Variants in NBEA observed in about 807,000 individuals in gnomAD.
NBEA encodes lysosomal-trafficking regulator 2.
Under a neutral mutation model 343.4 loss-of-function variants are expected in NBEA, and 44 were observed. The ratio of observed to expected loss-of-function variants is 0.13; its 90% CI spans 0.10 to 0.16. NBEA has a LOEUF of 0.16. Ranked by LOEUF, NBEA falls within the 10% of genes least tolerant of loss-of-function variation. NBEA has a pLI of 1.00. For synonymous variants in NBEA, 1,175 were observed against 1,238.7 expected, an observed-to-expected ratio of 0.95 and a Z score of 1.08; for missense variants, 2,555 against 3,631.3, an observed-to-expected ratio of 0.70 and a Z score of 7.62.
intron 36 of NBEA, among the ~76,000 whole-genome samples, chr13:35,342,456 T>G (rs2039640807): frequency 6.6e-6 from 1 of 151,990 alleles, no homozygotes; most frequent in Non-Finnish European, 1.5e-5. Context: ...GAACAGCAAC[T>G]AAGAAACTTA....
At position 35,343,932 on chromosome 13, in the gene NBEA, C is replaced by T. The variant is rs925813838; in HGVS notation, c.5904-5176C>T. On this transcript the variant is annotated intron_variant, in intron 36 of 58. Coordinates refer to ENST00000379939, the MANE Select transcript of NBEA (RefSeq NM_001385012.1). ...CACAATAAATGTACTTGAATCATCT[C>T]GAAACCATCCCCTTCCACCCACACT... Among the ~76,000 whole-genome samples the T allele has an allele frequency of 3.9e-4, 60 of 152,116 alleles. 1 individual carries two copies. Among genetic ancestry groups the T allele is most frequent in the African/African-American group, 1.3e-3 (56 of 41,524 alleles).
chr13:35,116,778 T>C (rs1566310270), intron 13 of NBEA, among the ~76,000 whole-genome samples: 1 of 151,990 alleles, frequency 6.6e-6, no homozygotes, highest in Non-Finnish European at 1.5e-5. Flanking sequence ...GAATATATTA[T>C]ATTTTCATTT....
intron 46 of NBEA, among the ~76,000 whole-genome samples, chr13:35,590,742 T>G (rs2081499351): frequency 6.6e-6 from 1 of 152,006 alleles, no homozygotes. Context: ...CTACCTACAG[T>G]GAAAATTAAA....
intron 1 of NBEA, among the ~76,000 whole-genome samples, chr13:34,975,352 A>G (rs772103984): frequency 2.0e-4 from 31 of 152,206 alleles, no homozygotes; most frequent in Non-Finnish European, 4.0e-4. Context: ...CAAAAGCATA[A>G]AGTGGCAAAA....
At chr13:35,360,545 G>A (rs1351789399) in intron 38 of NBEA, among the ~76,000 whole-genome samples, 1 of 151,968 alleles carries the variant, frequency 6.6e-6, no homozygotes, top group Non-Finnish European at 1.5e-5. Flanking sequence ...ATCCCAAGAT[G>A]ACTAAAATGT....
intron 16 of NBEA, 115 bp downstream of exon 16, chr13:35,118,589 G>C (rs185168358): frequency 6.6e-6 from 5 of 752,672 alleles, no homozygotes; most frequent in Admixed American, 2.9e-5. Flanking sequence ...TTGCACATAA[G>C]AGAATAAATG....
At chr13:35,023,015 T>A (rs114992802) in intron 1 of NBEA, among the ~76,000 whole-genome samples, 1,662 of 152,212 alleles carry the variant, frequency 0.011, 28 homozygotes, top group African/African-American at 0.039. Context: ...TGAAAAATAA[T>A]TTGAATTGGC....
In NBEA at chr13:35,208,710, G is replaced by A; in HGVS notation, c.5377G>A (p.Val1793Met). 6.3e-7 allele frequency: 1 copy of A among 1,590,294 alleles called. No individual in the cohort carries two copies. Among genetic ancestry groups the A allele is most frequent in the Non-Finnish European group, 8.6e-7 (1 of 1,166,682 alleles). Reference sequence around the variant, plus strand: ...TTCATTTCTTTGCAGGAGTGTTGTGGTGCCTGTAAAGAAACCACCTCCAGG... The same window carrying A: ...TTCATTTCTTTGCAGGAGTGTTGTGATGCCTGTAAAGAAACCACCTCCAGG... Reference protein sequence around the residue: ...QFHSFDRSVVVPVKKPPPGSL... With the variant: ...QFHSFDRSVVMPVKKPPPGSL... Residue 1793 changes from valine to methionine, a missense_variant, in exon 32 of 59, where the codon GTG (valine) becomes ATG (methionine). By Grantham distance (21) the Val-to-Met change is conservative. This residue lies in a region of NBEA where 270 missense variants were observed against 293.3 expected (regional missense o/e 0.92). Coordinates refer to ENST00000379939, the MANE Select transcript of NBEA (RefSeq NM_001385012.1).
At chr13:35,010,994 T>G (rs139856553) in intron 1 of NBEA, among the ~76,000 whole-genome samples, 1 of 151,720 alleles carries the variant, frequency 6.6e-6, no homozygotes, top group African/African-American at 2.4e-5. Flanking sequence ...TTACTGTGTT[T>G]GCATGCTGAA....
intron 43 of NBEA, among the ~76,000 whole-genome samples, chr13:35,554,333 T>C (rs2079482551): frequency 6.6e-6 from 1 of 152,158 alleles, no homozygotes; most frequent in South Asian, 2.1e-4. Context: ...TTTATCATAC[T>C]TTTCTAAATA....
In NBEA at chr13:35,371,083, G is replaced by A. The variant is rs150617524; in HGVS notation, c.6179+18760G>A. On this transcript the variant is annotated intron_variant, in intron 38 of 58. Coordinates refer to ENST00000379939, the MANE Select transcript of NBEA (RefSeq NM_001385012.1). ...ACTTTTGACAATTGGACTTTAATGT[G>A]CCTTGGAGAAGACCTTTTGAAATTG... is the stretch of plus-strand genomic sequence containing the variant. Among the ~76,000 whole-genome samples the A allele has an allele frequency of 3.7e-3, 563 of 152,032 alleles. 3 individuals carry two copies. The highest frequency in any genetic ancestry group is 6.8e-3 in the Middle Eastern group (2 of 294).
At chr13:35,023,706 G>T (rs546170313) in intron 1 of NBEA, among the ~76,000 whole-genome samples, 2 of 152,288 alleles carry the variant, frequency 1.3e-5, no homozygotes, top group East Asian at 3.9e-4. Context: ...TAATGCAGTG[G>T]TCACAAAGTA....
At chr13:35,406,847 T>A (rs952154808) in intron 38 of NBEA, among the ~76,000 whole-genome samples, 1 of 152,160 alleles carries the variant, frequency 6.6e-6, no homozygotes. Context: ...AAATATTTTG[T>A]GAGAGTTGAG....
chr13:35,103,007 T>C (rs2065724874), intron 11 of NBEA, among the ~76,000 whole-genome samples: 1 of 151,870 alleles, frequency 6.6e-6, no homozygotes, highest in Non-Finnish European at 1.5e-5. Context: ...TTTAATAGAT[T>C]ACTTTGTGTG....
chr13:35,213,729 A>G (rs1192674895), intron 33 of NBEA, among the ~76,000 whole-genome samples: 2 of 151,886 alleles, frequency 1.3e-5, no homozygotes, highest in African/African-American at 4.8e-5. Flanking sequence ...AAGTTTTCAG[A>G]TAAACTTCAC....
chr13:34,953,215 C>T (rs757470080), intron 1 of NBEA, among the ~76,000 whole-genome samples: 13 of 152,102 alleles, frequency 8.5e-5, no homozygotes, highest in Admixed American at 5.2e-4. Context: ...TCTTAAAAGA[C>T]AAGTGTTTTC....
chr13:35,483,094 T>G (rs2076181496), intron 41 of NBEA, among the ~76,000 whole-genome samples: 1 of 151,964 alleles, frequency 6.6e-6, no homozygotes, highest in African/African-American at 2.4e-5. Context: ...TTCAGATATA[T>G]AAGCAATATG....
chr13:35,065,737 C>T (rs1198119908), intron 8 of NBEA, among the ~76,000 whole-genome samples: 1 of 151,922 alleles, frequency 6.6e-6, no homozygotes, highest in Non-Finnish European at 1.5e-5. Context: ...AAGCACTATC[C>T]CAGTCAGTTT....
At chr13:35,552,980 T>C (rs2079407761) in intron 43 of NBEA, among the ~76,000 whole-genome samples, 1 of 151,962 alleles carries the variant, frequency 6.6e-6, no homozygotes, top group African/African-American at 2.4e-5. Flanking sequence ...AGCCTTGATG[T>C]CCCCAGGCTC....
Sources: allele counts gnomAD v4.1 joint callset (sites outside exome capture counted in the v4.1 genomes callset), GRCh38; gene constraint gnomAD v4.1.1; regional missense constraint gnomAD v4.1.1; transcripts MANE v1.5; gene names NCBI Gene and HGNC (gene_info 2026-07-23, HGNC 2026-07-21).